ARHGEF11: variants seen among roughly 807,000 people sequenced by gnomAD.
The protein encoded by ARHGEF11 is Rho guanine nucleotide exchange factor 11.
ARHGEF11 carries 55 observed loss-of-function variants against 193.7 expected under a neutral mutation model. The ratio of observed to expected loss-of-function variants is 0.28; its 90% confidence interval spans 0.23 to 0.36. The LOEUF (loss-of-function observed/expected upper bound fraction) is 0.36. ARHGEF11 is among the 10% of genes least tolerant of loss of function. The pLI is 1.00. For missense variants in ARHGEF11, 1,723 were observed against 2,005.6 expected, an observed-to-expected ratio of 0.86 and a Z score of 2.69; for synonymous variants, 693 against 768.0, an observed-to-expected ratio of 0.90 and a Z score of 1.62.
At chr1:156,979,741 T>G (rs1663855183) in intron 4 of ARHGEF11, among the ~76,000 whole-genome samples, 1 of 152,246 alleles carries the variant, frequency 6.6e-6, no homozygotes, top group Non-Finnish European at 1.5e-5. Flanking sequence ...CAAGTCACAC[T>G]ATGAATTTGT....
In ARHGEF11 at chr1:156,971,902, T is replaced by G. The variant is rs759590839; in HGVS notation, c.583-86A>C. ...ATGGATGACTCACCAGTGGGGAGAA[T>G]AGGCAGTTATCCCAAAACAAAGATG... On this transcript the variant is annotated intron_variant, in intron 7 of 40. Transcript: ENST00000368194. 2.1e-6 allele frequency: 3 copies of G among 1,454,114 alleles called. No individual in the cohort carries two copies. The East Asian group carries it at 7.2e-5, about 35-fold the overall frequency. 90.1% of individuals were successfully genotyped at this position (1,454,114 alleles called of 1,614,324 possible). A position where few individuals can be genotyped will look rare whatever the true frequency, so the allele number is the denominator to read the frequency against.
intron 1 of ARHGEF11, among the ~76,000 whole-genome samples, chr1:157,035,830 A>AC (rs1557990416): frequency 0.49 from 305 of 626 alleles, 29 homozygotes; most frequent in Admixed American, 0.59. Context: ...GAATATATAT[A>AC]TGGAATATAT....
chr1:157,028,393 CT>C (rs553216949), intron 1 of ARHGEF11, among the ~76,000 whole-genome samples: 4 of 152,228 alleles, frequency 2.6e-5, no homozygotes, highest in South Asian at 2.1e-4. Flanking sequence ...GAAAGAAATA[CT>C]TTTTTTCTCA....
intron 1 of ARHGEF11, among the ~76,000 whole-genome samples, chr1:156,993,355 T>A (rs1177021924): frequency 6.6e-6 from 1 of 152,162 alleles, no homozygotes; most frequent in Admixed American, 6.6e-5. Context: ...CACACACATA[T>A]AATATATACA....
intron 1 of ARHGEF11, among the ~76,000 whole-genome samples, chr1:157,011,342 T>C (rs2102790103): frequency 6.6e-6 from 1 of 152,260 alleles, no homozygotes; most frequent in East Asian, 1.9e-4. Context: ...ACTCAAGAAT[T>C]AACTCAAAAT....
intron 1 of ARHGEF11, among the ~76,000 whole-genome samples, chr1:157,013,263 T>TCACACACACACACACA (rs71084208): frequency 1.5e-4 from 21 of 140,804 alleles, no homozygotes; most frequent in African/African-American, 3.8e-4. Context: ...CCACTATCAC[T>TCACACACACACACACA]CACACACACA....
In ARHGEF11 at chr1:156,937,279, C is replaced by T. The variant is rs1377887998; in HGVS notation, c.4410G>A (p.Glu1470=). Reference sequence around the variant, plus strand: ...GCCTGTTGAGCTTGAGAGTGAGCTGCTCAATGGTATGGAAGATCATGCCCA... The same window carrying T: ...GCCTGTTGAGCTTGAGAGTGAGCTGTTCAATGGTATGGAAGATCATGCCCA... ...RDVGMIFHTI[E]QLTLKLNRLK... is the part of the protein sequence containing the mutation. The change falls in exon 39 of 41, where the codon GAG becomes GAA. Residue 1470 remains glutamate, a synonymous_variant. Transcript: ENST00000368194. 4 of 1,613,838 alleles carry T rather than the reference C, an allele frequency of 2.5e-6. No individual in the cohort carries two copies. Among genetic ancestry groups the T allele is most frequent in the Non-Finnish European group, 8.5e-7 (1 of 1,179,912 alleles).
chr1:156,936,480 GAAAAAAA>G (rs35863393), intron 40 of ARHGEF11, among the ~76,000 whole-genome samples: 8 of 48,022 alleles, frequency 1.7e-4, no homozygotes, highest in African/African-American at 4.7e-4. Context: ...CAAATAAATA[GAAAAAAA>G]AAAAAAAAAA....
intron 1 of ARHGEF11, among the ~76,000 whole-genome samples, chr1:157,038,633 G>C (rs895052146): frequency 1.3e-5 from 2 of 152,194 alleles, no homozygotes; most frequent in African/African-American, 4.8e-5. Flanking sequence ...AGAGTAAAGG[G>C]CAAGAGGATC....
At chr1:156,949,162 G>C (rs1218889236) in intron 22 of ARHGEF11, 1 of 974,494 alleles carries the variant, frequency 1.0e-6, no homozygotes, top group Non-Finnish European at 1.2e-6. Context: ...AGAGCAGACA[G>C]GCTTGTGCTT....
intron 1 of ARHGEF11, among the ~76,000 whole-genome samples, chr1:156,998,222 T>C (rs1209645293): frequency 1.3e-5 from 2 of 152,154 alleles, no homozygotes; most frequent in Non-Finnish European, 2.9e-5. Flanking sequence ...AGTAGAACAA[T>C]CCAGCACTGC....
intron 7 of ARHGEF11, among the ~76,000 whole-genome samples, chr1:156,972,543 T>C (rs923582459): frequency 1.3e-5 from 2 of 152,236 alleles, no homozygotes; most frequent in Non-Finnish European, 1.5e-5. Context: ...CTATTAACAT[T>C]TCATTACAAA....
Position 156,945,144 on chromosome 1 carries a change from T to G in ARHGEF11, c.2866A>C (p.Ile956Leu). The part of the protein sequence containing the change: ...LCRARDQCRE[I>L]LKYVNEAVKQ... The stretch of plus-strand genomic sequence containing the variant: ...ACCGCTTCATTCACATACTTGAGAA[T>G]CTCCCGGCACTGGTCCCGGGCCCGG... Residue 956 changes from isoleucine to leucine, a missense_variant, in exon 30 of 41, where the codon ATT becomes CTT. Around this residue, in one of 5 missense-constraint regions of ARHGEF11, gnomAD observed 491 missense variants for 654.5 expected, o/e 0.75. Coordinates refer to ENST00000368194, the MANE Select transcript of ARHGEF11 (RefSeq NM_198236.3). The G allele has an allele frequency of 6.2e-7, 1 of 1,614,094 alleles. No homozygotes were observed. Among genetic ancestry groups the G allele is most frequent in the South Asian group, 1.1e-5 (1 of 91,082 alleles).
At chr1:157,018,646 AAAG>A (rs1377221031) in intron 1 of ARHGEF11, among the ~76,000 whole-genome samples, 5 of 151,794 alleles carry the variant, frequency 3.3e-5, no homozygotes, top group African/African-American at 1.2e-4. Context: ...TCTGTCTCAA[AAAG>A]AAAAAAAAAA....
In ARHGEF11 at chr1:156,963,846, A is replaced by T. The variant is rs192165697; in HGVS notation, c.964-252T>A. ...GGTCACATGACATATGAAGATGGGAAGTAGGAGAAAATGCTCTCTTCCTGT... is the reference window on the plus strand; with the variant it reads ...GGTCACATGACATATGAAGATGGGATGTAGGAGAAAATGCTCTCTTCCTGT... On this transcript the variant is annotated intron_variant, in intron 11 of 40. Transcript: ENST00000368194. 4.6e-3 allele frequency: 5,306 copies of T among 1,160,204 alleles called. 26 individuals carry two copies. The highest frequency in any genetic ancestry group is 4.7e-3 in the Non-Finnish European group (4,235 of 894,180). The allele number at this position is 1,160,204 out of a possible 1,614,324, so 71.9% of individuals were successfully genotyped here.
intron 15 of ARHGEF11, 119 bp from the exon 16 acceptor site, chr1:156,959,261 T>C: frequency 2.5e-6 from 2 of 800,186 alleles, no homozygotes; most frequent in Non-Finnish European, 4.1e-6. Flanking sequence ...AAGGGCTGGC[T>C]TTCTGCCCTG....
chr1:156,976,933 G>T, intron 7 of ARHGEF11, 50 bp downstream of exon 7: 1 of 1,515,032 alleles, frequency 6.6e-7, no homozygotes, highest in Non-Finnish European at 9.2e-7. Context: ...CTCTGATAAA[G>T]TATTATTTCA....
At chr1:156,966,631 G>T (rs1329497402) in intron 11 of ARHGEF11, among the ~76,000 whole-genome samples, 2 of 152,162 alleles carry the variant, frequency 1.3e-5, no homozygotes, top group Non-Finnish European at 2.9e-5. Context: ...ATGATTTTAG[G>T]TGCTATCTGG....
intron 22 of ARHGEF11, among the ~76,000 whole-genome samples, chr1:156,950,509 G>A (rs915046755): frequency 1.3e-4 from 20 of 152,118 alleles, no homozygotes; most frequent in African/African-American, 3.6e-4. Context: ...GTGCAGTGGT[G>A]CATGCCTGTA....
Sources: allele counts gnomAD v4.1 joint callset (sites outside exome capture counted in the v4.1 genomes callset), GRCh38; gene constraint gnomAD v4.1.1; regional missense constraint gnomAD v4.1.1; transcripts MANE v1.5; gene names NCBI Gene and HGNC (gene_info 2026-07-23, HGNC 2026-07-21).